Variants in NFIB observed in about 807,000 individuals in gnomAD.
The protein encoded by NFIB is nuclear factor 1 B-type.
Under a neutral mutation model 61.5 loss-of-function variants are expected in NFIB, and 11 were observed. The observed-to-expected ratio is 0.18, with a 90% CI of 0.11 to 0.30. NFIB has a LOEUF of 0.30. Among genes scored for constraint, NFIB ranks in the 10% least tolerant of loss-of-function variants. The probability of loss-of-function intolerance (pLI) is 1.00; values close to 1 mark genes in which losing one functional copy is unlikely to be tolerated. For synonymous variants in NFIB, 260 were observed against 216.5 expected (o/e 1.20, Z -1.76); for missense variants, 471 against 608.9 (o/e 0.77, Z 2.38).
chr9:14,398,649 G>C (rs1156908110), exon 1 of NFIB: 2 of 1,498,906 alleles, frequency 1.3e-6, no homozygotes, highest in African/African-American at 2.8e-5. Context: ...ACGGATTCCC[G>C]ACAAGAAGCC....
chr9:14,410,348 G>C, the NFIB span, among the ~76,000 whole-genome samples: 1 of 152,126 alleles, frequency 6.6e-6, no homozygotes, highest in Non-Finnish European at 1.5e-5. Context: ...TCAGTTGTCT[G>C]AGTCCTACTG....
chr9:14,323,555 ATCCTG>A (rs2060710246), intron 1 of NFIB, among the ~76,000 whole-genome samples: 1 of 152,240 alleles, frequency 6.6e-6, no homozygotes, highest in Non-Finnish European at 1.5e-5. Flanking sequence ...TATTACAGAG[ATCCTG>A]ACTAATTATG....
intron 6 of NFIB, among the ~76,000 whole-genome samples, chr9:14,133,239 G>A (rs976180742): frequency 1.3e-5 from 2 of 151,976 alleles, no homozygotes; most frequent in Admixed American, 1.3e-4. Flanking sequence ...AACCTCTTCA[G>A]AGACCAAATT....
the NFIB span, among the ~76,000 whole-genome samples, chr9:14,524,889 T>C: frequency 2.6e-5 from 4 of 152,210 alleles, no homozygotes; most frequent in Non-Finnish European, 2.9e-5. Flanking sequence ...CTTAGATTTG[T>C]TTTGCATTTT....
intron 1 of NFIB, among the ~76,000 whole-genome samples, chr9:14,383,445 G>C (rs2133008666): frequency 6.6e-6 from 1 of 152,318 alleles, no homozygotes; most frequent in Middle Eastern, 3.4e-3. Flanking sequence ...GGAGAGAAAA[G>C]AGTGTCAAGG....
chr9:14,517,026 G>A, the NFIB span, among the ~76,000 whole-genome samples: 1 of 152,200 alleles, frequency 6.6e-6, no homozygotes, highest in Non-Finnish European at 1.5e-5. Context: ...TGGCATTAGG[G>A]ATTACAGACA....
At chr9:14,118,839 G>A (rs528681760) in intron 8 of NFIB, among the ~76,000 whole-genome samples, 1 of 146,992 alleles carries the variant, frequency 6.8e-6, no homozygotes, top group African/African-American at 2.5e-5. Context: ...AAAAAGTGAA[G>A]AAAAACTGAG....
chr9:14,343,107 C>T (rs1445810667), intron 1 of NFIB, among the ~76,000 whole-genome samples: 3 of 152,124 alleles, frequency 2.0e-5, no homozygotes, highest in Non-Finnish European at 4.4e-5. Context: ...CCCTGTACCA[C>T]CTGACTGTGG....
chr9:14,377,878 G>C lies in NFIB; in HGVS notation c.108+20646C>G, dbSNP rs974996845. Among the ~76,000 whole-genome samples the C allele has an allele frequency of 2.9e-4, 44 of 152,136 alleles. 2 individuals carry two copies. On this transcript the variant is annotated intron_variant, in intron 1 of 8. Transcript: ENST00000380934. ...AAAAAGAACTTCTGAATTTCCCTAAGACAATCCCCACTTACGCCTATTTTC... is the reference window on the plus strand; with the variant it reads ...AAAAAGAACTTCTGAATTTCCCTAACACAATCCCCACTTACGCCTATTTTC...
intron 1 of NFIB, chr9:14,362,694 G>C (rs973589332): frequency 6.6e-6 from 1 of 152,092 alleles, no homozygotes; most frequent in Non-Finnish European, 1.5e-5. Context: ...CCAGGAATTC[G>C]AGCCCAGCCT....
intron 2 of NFIB, among the ~76,000 whole-genome samples, chr9:14,266,370 C>T (rs1351250261): frequency 1.3e-5 from 2 of 152,062 alleles, no homozygotes; most frequent in African/African-American, 2.4e-5. Flanking sequence ...GCAAGAGGGT[C>T]GCTTGAGTCC....
the NFIB span, among the ~76,000 whole-genome samples, chr9:14,490,983 T>A: frequency 6.6e-6 from 1 of 152,220 alleles, no homozygotes; most frequent in Non-Finnish European, 1.5e-5. Context: ...CATATGTTCA[T>A]TGACTAAAGA....
chr9:14,107,221 T>C (rs1401470791), intron 10 of NFIB, among the ~76,000 whole-genome samples: 3 of 152,016 alleles, frequency 2.0e-5, no homozygotes, highest in Middle Eastern at 3.4e-3. Flanking sequence ...AAATGGTCTC[T>C]GGATGAATAG....
the NFIB span, among the ~76,000 whole-genome samples, chr9:14,459,699 C>T: frequency 7.2e-5 from 11 of 152,190 alleles, 1 homozygote; most frequent in East Asian, 1.9e-4. Flanking sequence ...CATCAAAAAG[C>T]GGGCGAAGGA....
At chr9:14,460,775 T>A in the NFIB span, among the ~76,000 whole-genome samples, 308 of 152,260 alleles carry the variant, frequency 2.0e-3, 1 homozygote, top group Non-Finnish European at 3.2e-3. Flanking sequence ...CTTTAAATCC[T>A]TCCATGGCTC....
Position 14,313,934 on chromosome 9 carries a change from T to A in NFIB, c.-423A>T. 1.0e-6 allele frequency: 1 copy of A among 958,150 alleles called. No individual in the cohort carries two copies. The highest frequency in any genetic ancestry group is 1.2e-6 in the Non-Finnish European group (1 of 823,556). The allele number at this position is 958,150 out of a possible 1,614,324, so 59.4% of individuals were successfully genotyped here. The stretch of plus-strand genomic sequence containing the variant: ...GTGGTGGTTGGTGGTAAAATGCTTT[T>A]TCAAAAAAGGCGGGGAGGGGGGCGC... On this transcript the variant is annotated 5_prime_UTR_variant, in exon 1 of 11. Coordinates refer to ENST00000380953, the MANE Select transcript of NFIB (RefSeq NM_001190737.2). This position sits in a 1 kb window ranked among gnomAD's most constrained non-coding sequence, Gnocchi z 4.5.
chr9:14,218,259 ATTTT>A (rs958248896), intron 2 of NFIB, among the ~76,000 whole-genome samples: 15 of 152,082 alleles, frequency 9.9e-5, no homozygotes, highest in African/African-American at 3.4e-4. Context: ...AAATAAAATG[ATTTT>A]TTTTAAGTTT....
At chr9:14,210,968 A>C (rs145805230) in intron 2 of NFIB, among the ~76,000 whole-genome samples, 431 of 152,286 alleles carry the variant, frequency 2.8e-3, no homozygotes, top group African/African-American at 9.9e-3. Flanking sequence ...TAATAGGTTG[A>C]AACCGTACTG....
At chr9:14,405,259 C>T in the NFIB span, among the ~76,000 whole-genome samples, 1 of 152,304 alleles carries the variant, frequency 6.6e-6, no homozygotes, top group African/African-American at 2.4e-5. Flanking sequence ...AGCAGAGCCT[C>T]CTCACCAATT....
Sources: gnomAD v4.1 joint callset for allele counts (sites outside exome capture counted in the v4.1 genomes callset) on GRCh38, gnomAD v4.1.1 for gene constraint, Gnocchi (gnomAD v3.1) non-coding constraint, MANE v1.5 for transcripts, NCBI Gene and HGNC (gene_info 2026-07-23, HGNC 2026-07-21) for gene names.